UNC13C: variants seen among roughly 807,000 people sequenced by gnomAD.
UNC13C encodes unc-13 homolog C.
In UNC13C, 174 loss-of-function variants were observed where a neutral mutation model predicts 245.4. That is an observed-to-expected ratio of 0.71 (90% confidence interval 0.63 to 0.80). UNC13C has a LOEUF of 0.80. UNC13C is among the 30% of genes least tolerant of loss of function. UNC13C has a pLI of 0.00. For missense variants in UNC13C, 2,829 were observed against 2,602.9 expected (o/e 1.09, Z -1.89); for synonymous variants, 992 against 895.1 (o/e 1.11, Z -1.93).
Position 54,364,185 on chromosome 15 carries a change from A to G in UNC13C, c.4713+25696A>G, listed in dbSNP as rs1265639386. ...AATTCAATGGTAGAAAAATAAATCC[A>G]TGTGTCTTGATAGTTGAAGATTACA... On this transcript the variant is annotated intron_variant, in intron 17 of 32. Coordinates refer to ENST00000260323, the MANE Select transcript of UNC13C (RefSeq NM_001080534.3). 3.3e-5 allele frequency among the ~76,000 whole-genome samples: 5 copies of G among 152,158 alleles called. 1 individual carries two copies. Among genetic ancestry groups the G allele is most frequent in the Admixed American group, 1.3e-4 (2 of 15,278 alleles).
chr15:53,845,090 C>A, the UNC13C span, among the ~76,000 whole-genome samples: 11 of 151,992 alleles, frequency 7.2e-5, no homozygotes, highest in African/African-American at 2.7e-4. Flanking sequence ...CTTTGGGAGG[C>A]CAAGGTGGGT....
intron 2 of UNC13C, among the ~76,000 whole-genome samples, chr15:54,105,388 C>G (rs190037926): frequency 6.6e-6 from 1 of 152,102 alleles, no homozygotes; most frequent in Admixed American, 6.5e-5. Flanking sequence ...CAATGTGGAG[C>G]CTGTCAGGGT....
intron 2 of UNC13C, among the ~76,000 whole-genome samples, chr15:54,073,828 TG>T (rs1293995033): frequency 6.6e-6 from 1 of 152,216 alleles, no homozygotes; most frequent in African/African-American, 2.4e-5. Context: ...TTCTGTAGGT[TG>T]CCTGTTAACT....
At chr15:54,575,196 C>A (rs1341350147) in intron 30 of UNC13C, among the ~76,000 whole-genome samples, 4 of 152,082 alleles carry the variant, frequency 2.6e-5, no homozygotes, top group Non-Finnish European at 2.9e-5. Flanking sequence ...CCACCACACC[C>A]AGCTAATTTT....
intron 1 of UNC13C, among the ~76,000 whole-genome samples, chr15:54,005,739 A>G (rs1270793074): frequency 6.6e-6 from 1 of 152,202 alleles, no homozygotes; most frequent in East Asian, 1.9e-4. Context: ...ATGATTTGGA[A>G]CAGATTAGGT....
chr15:54,019,079 C>T (rs1227659029), intron 2 of UNC13C, among the ~76,000 whole-genome samples: 1 of 152,128 alleles, frequency 6.6e-6, no homozygotes, highest in Admixed American at 6.5e-5. Flanking sequence ...GGCTGTTTAC[C>T]TGTTTTTCAT....
intron 28 of UNC13C, among the ~76,000 whole-genome samples, chr15:54,554,600 T>TAAACAATATATCTCATTC (rs2080370973): frequency 6.6e-6 from 1 of 152,056 alleles, no homozygotes; most frequent in Non-Finnish European, 1.5e-5. Flanking sequence ...TTCCCTGTAT[T>TAAACAATATATCTCATTC]AAACAATATA....
At chr15:53,905,015 T>C in the UNC13C span, among the ~76,000 whole-genome samples, 3 of 152,102 alleles carry the variant, frequency 2.0e-5, no homozygotes, top group African/African-American at 7.2e-5. Flanking sequence ...GAGGCATGCA[T>C]AGACAGAAAA....
intron 2 of UNC13C, among the ~76,000 whole-genome samples, chr15:54,023,480 T>G (rs1895984190): frequency 6.6e-6 from 1 of 152,212 alleles, no homozygotes; most frequent in Admixed American, 6.5e-5. Flanking sequence ...TATCATATTT[T>G]TAGGAAGTTT....
intron 17 of UNC13C, among the ~76,000 whole-genome samples, chr15:54,380,089 C>A (rs1446145361): frequency 6.6e-6 from 1 of 152,034 alleles, no homozygotes; most frequent in African/African-American, 2.4e-5. Context: ...TTTATTCCTT[C>A]TAACTAAAAT....
chr15:53,967,628 T>G, the UNC13C span, among the ~76,000 whole-genome samples: 1 of 152,198 alleles, frequency 6.6e-6, no homozygotes, highest in Non-Finnish European at 1.5e-5. Context: ...TCCTAGTTAC[T>G]CTCTCTAGTT....
the UNC13C span, among the ~76,000 whole-genome samples, chr15:53,964,442 A>C: frequency 6.6e-6 from 1 of 152,202 alleles, no homozygotes; most frequent in African/African-American, 2.4e-5. Context: ...TATGGGTGTC[A>C]ACCAAAAGTA....
chr15:54,500,273 G>C, intron 21 of UNC13C, 98 bp downstream of exon 21: 1 of 922,142 alleles, frequency 1.1e-6, no homozygotes, highest in Non-Finnish European at 1.6e-6. Flanking sequence ...GTTATTAATT[G>C]TTTCCATTCC....
At chr15:54,178,222 CAG>C (rs2141297151) in intron 4 of UNC13C, among the ~76,000 whole-genome samples, 1 of 152,134 alleles carries the variant, frequency 6.6e-6, no homozygotes, top group African/African-American at 2.4e-5. Flanking sequence ...CCATTTGAAA[CAG>C]ATCTGTTTGT....
At chr15:53,939,239 A>G in the UNC13C span, among the ~76,000 whole-genome samples, 4 of 152,224 alleles carry the variant, frequency 2.6e-5, no homozygotes, top group Non-Finnish European at 4.4e-5. Flanking sequence ...AAAATCTAGA[A>G]TAAATGGATA....
At chr15:54,482,512 A>G (rs993482381) in intron 19 of UNC13C, among the ~76,000 whole-genome samples, 11 of 148,718 alleles carry the variant, frequency 7.4e-5, no homozygotes, top group Non-Finnish European at 1.3e-4. Flanking sequence ...CCTTTTTCCC[A>G]CAATGGGAGG....
At chr15:54,068,739 T>C (rs1470958047) in intron 2 of UNC13C, among the ~76,000 whole-genome samples, 1 of 152,202 alleles carries the variant, frequency 6.6e-6, no homozygotes, top group African/African-American at 2.4e-5. Flanking sequence ...ATACCATGGA[T>C]GAACACATAG....
At chr15:54,055,111 A>G (rs144240440) in intron 2 of UNC13C, among the ~76,000 whole-genome samples, 1 of 152,354 alleles carries the variant, frequency 6.6e-6, no homozygotes, top group East Asian at 1.9e-4. Flanking sequence ...CTCTGTGACT[A>G]CAATGGCAAA....
chr15:54,519,587 C>G (rs1221096724), intron 24 of UNC13C, among the ~76,000 whole-genome samples: 1 of 152,132 alleles, frequency 6.6e-6, no homozygotes, highest in Admixed American at 6.5e-5. Flanking sequence ...ACTGATACCT[C>G]TAGCATAACA....
Sources: gnomAD v4.1 joint callset for allele counts (sites outside exome capture counted in the v4.1 genomes callset) on GRCh38, gnomAD v4.1.1 for gene constraint, MANE v1.5 for transcripts, NCBI Gene and HGNC (gene_info 2026-07-23, HGNC 2026-07-21) for gene names.